Variants in ARHGAP44 observed in about 807,000 individuals in gnomAD.
ARHGAP44 encodes the protein Rho GTPase activating protein 44.
ARHGAP44 carries 43 observed loss-of-function variants against 106.8 expected under a neutral mutation model. That is an observed-to-expected ratio of 0.40 (90% CI 0.32 to 0.52). The LOEUF (loss-of-function observed/expected upper bound fraction) is 0.52. Among genes scored for constraint, ARHGAP44 ranks in the 20% least tolerant of loss-of-function variants. The pLI is 0.48. For synonymous variants in ARHGAP44, 439 were observed against 410.3 expected (o/e 1.07, Z -0.85); for missense variants, 866 against 1,050.5 (o/e 0.82, Z 2.43).
chr17:12,840,343 A>G (rs2035354758), intron 1 of ARHGAP44, among the ~76,000 whole-genome samples: 1 of 152,192 alleles, frequency 6.6e-6, no homozygotes, highest in Non-Finnish European at 1.5e-5. Context: ...TGCTTCTGCC[A>G]TGTCTTGGTT....
chr17:12,808,159 G>T (rs569836188), intron 1 of ARHGAP44, among the ~76,000 whole-genome samples: 1 of 152,360 alleles, frequency 6.6e-6, no homozygotes, highest in Non-Finnish European at 1.5e-5. Context: ...CGCCCTTGTG[G>T]ATTTGCAGGC....
intron 12 of ARHGAP44, among the ~76,000 whole-genome samples, chr17:12,952,069 A>G (rs1234508560): frequency 6.6e-6 from 1 of 152,220 alleles, no homozygotes; most frequent in Non-Finnish European, 1.5e-5. Flanking sequence ...GTTAGGGATT[A>G]CCAGGACAGT....
chr17:12,831,197 AC>A (rs1274586164), intron 1 of ARHGAP44, among the ~76,000 whole-genome samples: 3 of 152,208 alleles, frequency 2.0e-5, no homozygotes, highest in African/African-American at 7.2e-5. Flanking sequence ...GTTACCTTTT[AC>A]AGATTCAAGA....
intron 4 of ARHGAP44, among the ~76,000 whole-genome samples, chr17:12,909,799 T>G (rs183258161): frequency 3.9e-5 from 6 of 152,148 alleles, no homozygotes; most frequent in African/African-American, 1.4e-4. Context: ...TTTTCCAGAT[T>G]TAAAGAAAAA....
chr17:12,969,360 C>G (rs1174103571), intron 16 of ARHGAP44, among the ~76,000 whole-genome samples: 1 of 152,188 alleles, frequency 6.6e-6, no homozygotes, highest in East Asian at 1.9e-4. Flanking sequence ...TTCTCATTGA[C>G]ACTACATCTT....
intron 1 of ARHGAP44, among the ~76,000 whole-genome samples, chr17:12,865,521 G>A (rs1306174306): frequency 2.0e-5 from 3 of 152,154 alleles, no homozygotes; most frequent in African/African-American, 4.8e-5. Flanking sequence ...TGGGTGCGGT[G>A]GCTCACGCCT....
rs537908515 is a variant in ARHGAP44 at position 12,924,068 on chromosome 17, A to G, written c.464+4237A>G. 3.3e-5 allele frequency among the ~76,000 whole-genome samples: 5 copies of G among 152,248 alleles called. No homozygotes were observed. In the South Asian group the frequency reaches 1.0e-3, roughly 31 times the overall value. ...GAAGTATGCTCTGCAGCACTGCAAC[A>G]GTGAATTCCACATAGAGACCCTCCG... On this transcript the variant is annotated intron_variant, in intron 6 of 20. Transcript: ENST00000379672.
chr17:12,967,775 C>T (rs55699608), intron 16 of ARHGAP44, among the ~76,000 whole-genome samples: 15,619 of 152,126 alleles, frequency 0.1, 905 homozygotes, highest in South Asian at 0.2. Flanking sequence ...GTATGGTCTA[C>T]CAGGTTGCAG....
intron 1 of ARHGAP44, among the ~76,000 whole-genome samples, chr17:12,859,022 C>T (rs1258683246): frequency 2.0e-5 from 3 of 152,096 alleles, no homozygotes; most frequent in Admixed American, 6.6e-5. Context: ...CTGGGTCCCT[C>T]CCACAGTGAA....
At chr17:12,804,680 G>T (rs145661209) in intron 1 of ARHGAP44, among the ~76,000 whole-genome samples, 189 of 152,284 alleles carry the variant, frequency 1.2e-3, no homozygotes, top group African/African-American at 4.2e-3. Flanking sequence ...TCAACACTTT[G>T]ACCTTTGATT....
intron 13 of ARHGAP44, among the ~76,000 whole-genome samples, chr17:12,953,863 G>A (rs952065315): frequency 6.6e-6 from 1 of 152,066 alleles, no homozygotes; most frequent in African/African-American, 2.4e-5. Context: ...CAGGGGCTAG[G>A]AGACAGGAGA....
Position 12,958,325 on chromosome 17 carries a change from A to G in ARHGAP44, c.1343-392A>G, listed in dbSNP as rs1461310663. Among the ~76,000 whole-genome samples, 4 of 152,200 alleles carry G rather than the reference A, an allele frequency of 2.6e-5. No individual in the cohort carries two copies. Among genetic ancestry groups the G allele is most frequent in the African/African-American group, 9.7e-5 (4 of 41,438 alleles). ...ATTTTCTTGACTAATTCCATTGGCT[A>G]GTGTTTCTCAAATGGTGTTAAGTAA... On this transcript the variant is annotated intron_variant, in intron 15 of 20. Transcript: ENST00000379672. The surrounding 1 kb of genome is among the most constrained non-coding windows in gnomAD (Gnocchi z 4.1).
intron 16 of ARHGAP44, among the ~76,000 whole-genome samples, chr17:12,971,207 C>T (rs942203792): frequency 2.0e-5 from 3 of 152,130 alleles, no homozygotes; most frequent in Non-Finnish European, 2.9e-5. Flanking sequence ...TCGCCCAGTA[C>T]CTACCCCATG....
intron 1 of ARHGAP44, among the ~76,000 whole-genome samples, chr17:12,861,003 C>T (rs575819859): frequency 1.0e-3 from 152 of 152,018 alleles, no homozygotes; most frequent in Admixed American, 2.5e-3. Flanking sequence ...ACTACAGGTA[C>T]GCACCACCAT....
intron 1 of ARHGAP44, among the ~76,000 whole-genome samples, chr17:12,803,734 G>A (rs1385027135): frequency 1.3e-5 from 2 of 151,694 alleles, no homozygotes; most frequent in Admixed American, 1.3e-4. Context: ...CTGACTTCCC[G>A]CAACACAGCC....
chr17:12,981,694 G>A (rs556196432), intron 19 of ARHGAP44, among the ~76,000 whole-genome samples: 79 of 150,062 alleles, frequency 5.3e-4, no homozygotes, highest in Non-Finnish European at 8.3e-4. Flanking sequence ...CACTGTACCC[G>A]GCCAGGCACC....
At position 12,938,592 on chromosome 17, in the gene ARHGAP44, A is replaced by C. The variant is rs1203386131; in HGVS notation, c.583-2464A>C. Among the ~76,000 whole-genome samples, 5 of 151,452 alleles carry C rather than the reference A, an allele frequency of 3.3e-5. No individual in the cohort carries two copies. In the South Asian group the frequency reaches 1.0e-3, roughly 31 times the overall value. Reference sequence around the variant, plus strand: ...TGGTTAGCTATATATTAAAAAAAAAAAAAAAAAAAAACAGCTGCCTGGTGG... The same window carrying C: ...TGGTTAGCTATATATTAAAAAAAAACAAAAAAAAAAACAGCTGCCTGGTGG... On this transcript the variant is annotated intron_variant, in intron 7 of 20. Coordinates refer to ENST00000379672, the MANE Select transcript of ARHGAP44 (RefSeq NM_014859.6).
intron 20 of ARHGAP44, chr17:12,988,113 G>A (rs965265434): frequency 6.6e-6 from 1 of 152,192 alleles, no homozygotes; most frequent in Non-Finnish European, 1.5e-5. Flanking sequence ...CTTTTCCCAG[G>A]AATGCTGATG....
intron 1 of ARHGAP44, among the ~76,000 whole-genome samples, chr17:12,855,017 A>C (rs937353997): frequency 1.3e-4 from 20 of 151,572 alleles, no homozygotes; most frequent in Non-Finnish European, 2.7e-4. Context: ...ATGTCTGTAT[A>C]TGTATATAGA....
Sources: allele counts gnomAD v4.1 joint callset (sites outside exome capture counted in the v4.1 genomes callset), GRCh38; gene constraint gnomAD v4.1.1; non-coding constraint Gnocchi (gnomAD v3.1); transcripts MANE v1.5; gene names NCBI Gene and HGNC (gene_info 2026-07-23, HGNC 2026-07-21).